FLNB: variants seen among roughly 807,000 people sequenced by gnomAD.
The protein encoded by FLNB is filamin B.
Under a neutral mutation model 250.6 loss-of-function variants are expected in FLNB, and 111 were observed. The ratio of observed to expected loss-of-function variants is 0.44; its 90% CI spans 0.38 to 0.52. The LOEUF is 0.52. Among genes scored for constraint, FLNB ranks in the 20% least tolerant of loss-of-function variants. The pLI is 0.00. For synonymous variants in FLNB, 1,302 were observed against 1,372.1 expected (o/e 0.95, Z 1.13); for missense variants, 2,869 against 3,447.8 (o/e 0.83, Z 4.20).
intron 4 of FLNB, among the ~76,000 whole-genome samples, chr3:58,084,564 A>AAT (rs1553692876): frequency 1.3e-5 from 2 of 150,408 alleles, no homozygotes; most frequent in South Asian, 2.1e-4. Context: ...TTAAAAAAAA[A>AAT]TTTTTTTTTA....
At chr3:58,014,616 G>A (rs1226231385) in intron 1 of FLNB, among the ~76,000 whole-genome samples, 1 of 152,246 alleles carries the variant, frequency 6.6e-6, no homozygotes, top group Non-Finnish European at 1.5e-5. Flanking sequence ...GTGGGCTGCT[G>A]GCTTAGTTGA....
chr3:58,106,375 T>A (rs1443027312), intron 11 of FLNB, among the ~76,000 whole-genome samples: 4 of 138,850 alleles, frequency 2.9e-5, no homozygotes, highest in Non-Finnish European at 6.2e-5. Context: ...TATATATATA[T>A]ATCCTCCTGG....
chr3:58,153,384 G>A lies in FLNB; in HGVS notation c.6377G>A (p.Ser2126Asn). 2.5e-6 allele frequency: 4 copies of A among 1,614,212 alleles called. No individual in the cohort carries two copies. The highest frequency in any genetic ancestry group is 8.5e-7 in the Non-Finnish European group (1 of 1,180,046). Residue 2126 changes from serine to asparagine, a missense_variant, in exon 39 of 46, where the codon AGC becomes AAC. Physicochemically the swap from Ser to Asn is conservative, Grantham distance 46 (BLOSUM62 1). Around this residue, in one of 5 missense-constraint regions of FLNB, gnomAD observed 1,084 missense variants for 1,315.5 expected, o/e 0.82. Coordinates refer to ENST00000295956, the MANE Select transcript of FLNB (RefSeq NM_001457.4). ...DLNLKIPEIN[S>N]SDMSAHVTSP... ...TCCCTCCCTCTTTCAGAAATCAACA[G>A]CAGTGATATGTCGGCCCACGTCACC...
At chr3:58,034,874 G>A (rs1270651518) in intron 1 of FLNB, among the ~76,000 whole-genome samples, 2 of 152,106 alleles carry the variant, frequency 1.3e-5, no homozygotes, top group Non-Finnish European at 2.9e-5. Context: ...GGAAGAAGGC[G>A]GGCCCTGATC....
intron 1 of FLNB, among the ~76,000 whole-genome samples, chr3:58,053,715 G>A (rs1346722631): frequency 2.0e-5 from 3 of 152,086 alleles, no homozygotes; most frequent in African/African-American, 7.2e-5. Flanking sequence ...GCCCGCCTCG[G>A]CCTCCCAAAG....
At chr3:58,069,485 C>T (rs747238688) in intron 1 of FLNB, among the ~76,000 whole-genome samples, 3 of 152,050 alleles carry the variant, frequency 2.0e-5, no homozygotes, top group Non-Finnish European at 4.4e-5. Context: ...AGGAGGTCCT[C>T]CTGCCTCAGC....
chr3:58,144,038 G>A lies in FLNB; in HGVS notation c.5425+425G>A, dbSNP rs534818520. ...GGACCAGCAGCCCTCTACAAGGGAA[G>A]CCAGCCCAGGTTTCATGGGTCACCA... On this transcript the variant is annotated intron_variant, in intron 32 of 45. Coordinates refer to ENST00000295956, the MANE Select transcript of FLNB (RefSeq NM_001457.4). 3.4e-4 allele frequency among the ~76,000 whole-genome samples: 52 copies of A among 152,332 alleles called. 1 individual carries two copies. Among genetic ancestry groups the A allele is most frequent in the Admixed American group, 3.1e-3 (48 of 15,310 alleles).
At chr3:58,053,723 A>G (rs2097166167) in intron 1 of FLNB, among the ~76,000 whole-genome samples, 1 of 152,082 alleles carries the variant, frequency 6.6e-6, no homozygotes, top group African/African-American at 2.4e-5. Flanking sequence ...CGGCCTCCCA[A>G]AGTGCTGGGA....
At position 58,035,491 on chromosome 3, in the gene FLNB, T is replaced by C. The variant is rs539754036; in HGVS notation, c.292+26635T>C. Among the ~76,000 whole-genome samples, 36 of 152,254 alleles carry C rather than the reference T, an allele frequency of 2.4e-4. No homozygotes were observed. In the East Asian group the frequency reaches 3.3e-3, roughly 14 times the overall value. ...GAATGGTGGTTTAGGGAACGCAACATGTACCCCACCCCCAACTTTTTTAAG... is the reference window on the plus strand; with the variant it reads ...GAATGGTGGTTTAGGGAACGCAACACGTACCCCACCCCCAACTTTTTTAAG... On this transcript the variant is annotated intron_variant, in intron 1 of 45. Coordinates refer to ENST00000295956, the MANE Select transcript of FLNB (RefSeq NM_001457.4).
intron 36 of FLNB, 163 bp from the exon 37 acceptor site, chr3:58,149,687 C>T (rs2107274719): frequency 1.2e-6 from 1 of 801,058 alleles, no homozygotes. Flanking sequence ...GACGCTTAAC[C>T]TACTCATCCC....
At chr3:58,118,026 G>A (rs1180691198) in intron 18 of FLNB, among the ~76,000 whole-genome samples, 3 of 152,170 alleles carry the variant, frequency 2.0e-5, no homozygotes, top group Non-Finnish European at 2.9e-5. Flanking sequence ...TACTGAGACA[G>A]CCATGAGATT....
chr3:58,098,246 C>G (rs1460868011), intron 7 of FLNB, among the ~76,000 whole-genome samples: 3 of 152,186 alleles, frequency 2.0e-5, no homozygotes, highest in Admixed American at 1.3e-4. Context: ...AGGAAACATT[C>G]AACCATAAAC....
intron 1 of FLNB, among the ~76,000 whole-genome samples, chr3:58,064,864 CCACACAGA>C (rs1164710207): frequency 2.6e-5 from 4 of 152,120 alleles, no homozygotes; most frequent in Non-Finnish European, 4.4e-5. Context: ...CACACACACA[CCACACAGA>C]CACACAGACA....
intron 18 of FLNB, among the ~76,000 whole-genome samples, chr3:58,113,867 C>T (rs1006651844): frequency 1.3e-5 from 2 of 151,806 alleles, no homozygotes; most frequent in Non-Finnish European, 2.9e-5. Flanking sequence ...TTGGTAGAGA[C>T]GGGGTTTCGC....
At chr3:58,085,226 C>G (rs1051180001) in intron 4 of FLNB, among the ~76,000 whole-genome samples, 3 of 152,062 alleles carry the variant, frequency 2.0e-5, no homozygotes, top group Middle Eastern at 3.2e-3. Context: ...TATGGTAATT[C>G]TATATGCAGC....
At chr3:58,071,261 T>G (rs916966517) in intron 1 of FLNB, among the ~76,000 whole-genome samples, 1 of 129,004 alleles carries the variant, frequency 7.8e-6, no homozygotes, top group Non-Finnish European at 1.5e-5. Flanking sequence ...CACACCCCTA[T>G]CTCTCCTCGA....
intron 1 of FLNB, among the ~76,000 whole-genome samples, chr3:58,018,327 CTTTTTTTT>C (rs60851192): frequency 1.6e-5 from 1 of 63,242 alleles, no homozygotes; most frequent in Non-Finnish European, 2.8e-5. Context: ...TATTCATTGA[CTTTTTTTT>C]TTTTTTTTTT....
chr3:58,126,455 G>T (rs1402693614), intron 23 of FLNB, 147 bp from the exon 24 acceptor site: 4 of 705,030 alleles, frequency 5.7e-6, no homozygotes, highest in African/African-American at 3.5e-5. Context: ...TTATACTAAT[G>T]TGAAATTCCC....
intron 4 of FLNB, among the ~76,000 whole-genome samples, chr3:58,087,686 G>A (rs556713966): frequency 3.3e-5 from 5 of 151,906 alleles, no homozygotes; most frequent in African/African-American, 7.2e-5. Flanking sequence ...TCCTGACCTC[G>A]TGATCCACCT....
Sources: gnomAD v4.1 joint callset for allele counts (sites outside exome capture counted in the v4.1 genomes callset) on GRCh38, gnomAD v4.1.1 for gene constraint, gnomAD v4.1.1 regional missense constraint, MANE v1.5 for transcripts, NCBI Gene and HGNC (gene_info 2026-07-23, HGNC 2026-07-21) for gene names.